Variants in KIF13A observed in about 807,000 individuals in gnomAD.
KIF13A encodes kinesin-like protein KIF13A.
In KIF13A, 79 loss-of-function variants were observed where a neutral mutation model predicts 212.2. The observed-to-expected ratio is 0.37, with a 90% CI of 0.31 to 0.45. The LOEUF is 0.45. Ranked by LOEUF, KIF13A falls within the 20% of genes least tolerant of loss-of-function variation. The pLI, the probability that KIF13A is intolerant of heterozygous loss-of-function variation, is 1.00. For synonymous variants in KIF13A, 789 were observed against 808.6 expected (o/e 0.98, Z 0.41); for missense variants, 1,901 against 2,209.0 (o/e 0.86, Z 2.79).
intron 17 of KIF13A, among the ~76,000 whole-genome samples, chr6:17,813,300 T>C (rs1763599526): frequency 6.6e-6 from 1 of 152,082 alleles, no homozygotes; most frequent in African/African-American, 2.4e-5. Flanking sequence ...GCCAACATGG[T>C]GAAACCTCAT....
intron 2 of KIF13A, among the ~76,000 whole-genome samples, chr6:17,979,865 T>TA (rs1780903307): frequency 1.3e-5 from 2 of 151,482 alleles, no homozygotes. Context: ...ATAAGGCTTG[T>TA]AAGATGTAGT....
intron 3 of KIF13A, among the ~76,000 whole-genome samples, chr6:17,874,445 A>T (rs1770315212): frequency 1.3e-5 from 2 of 151,054 alleles, no homozygotes; most frequent in South Asian, 4.2e-4. Context: ...TTAAATTTTA[A>T]TTTTTTTTGA....
At chr6:17,818,700 A>G (rs1172184183) in intron 16 of KIF13A, among the ~76,000 whole-genome samples, 1 of 152,166 alleles carries the variant, frequency 6.6e-6, no homozygotes. Flanking sequence ...AAAAATGAGG[A>G]AACGGGGGCT....
Position 17,771,761 on chromosome 6 carries a change from T to G in KIF13A, c.4476+147A>C. On this transcript the variant is annotated intron_variant, in intron 37 of 38. Transcript: ENST00000259711. This position sits in a 1 kb window ranked among gnomAD's most constrained non-coding sequence, Gnocchi z 5.4. ...AGATTCTACCATGACTCTGCATGCTTGAGAAAGAGGAATTCGAGAACGGGA... is the reference window on the plus strand; with the variant it reads ...AGATTCTACCATGACTCTGCATGCTGGAGAAAGAGGAATTCGAGAACGGGA... The G allele has an allele frequency of 1.5e-6, 1 of 685,640 alleles. No individual in the cohort carries two copies. Among genetic ancestry groups the G allele is most frequent in the Non-Finnish European group, 2.5e-6 (1 of 398,712 alleles). The allele number at this position is 685,640 out of a possible 1,614,324, so 42.5% of individuals were successfully genotyped here.
rs1779027265 is a variant in KIF13A, at chr6:17,963,493, G to A, written c.146+23561C>T. 6.6e-6 allele frequency among the ~76,000 whole-genome samples: 1 copy of A among 152,188 alleles called. No homozygotes were observed. The highest frequency in any genetic ancestry group is 2.4e-5 in the African/African-American group (1 of 41,448). On this transcript the variant is annotated intron_variant, in intron 2 of 38. Coordinates refer to ENST00000259711, the MANE Select transcript of KIF13A (RefSeq NM_022113.6). This position sits in a 1 kb window ranked among gnomAD's most constrained non-coding sequence, Gnocchi z 4.1. ...GATAGATAAGGTCTTACAATATGAA[G>A]AAATATATTACCGATGACCACAAAA...
chr6:17,837,606 T>A lies in KIF13A; in HGVS notation c.831-23A>T, dbSNP rs1291426221. On this transcript the variant is annotated intron_variant, in intron 9 of 38. Coordinates refer to ENST00000259711, the MANE Select transcript of KIF13A (RefSeq NM_022113.6). The surrounding 1 kb of genome is among the most constrained non-coding windows in gnomAD (Gnocchi z 5.4). ...GATCTGTCAAGAAAAAATGAAAAAT[T>A]AGTTTTATGGAATGTTTATTTGGTT... 2 of 1,430,988 alleles carry A rather than the reference T, an allele frequency of 1.4e-6. No individual in the cohort carries two copies. Among genetic ancestry groups the A allele is most frequent in the African/African-American group, 1.4e-5 (1 of 70,860 alleles). The allele number at this position is 1,430,988 out of a possible 1,614,324, so 88.6% of individuals were successfully genotyped here. A position where few individuals can be genotyped will look rare whatever the true frequency, so the allele number is the denominator to read the frequency against.
intron 2 of KIF13A, among the ~76,000 whole-genome samples, chr6:17,985,646 G>A (rs1781493072): frequency 1.2e-5 from 1 of 84,866 alleles, no homozygotes; most frequent in Non-Finnish European, 2.1e-5. Context: ...GGGGTGGGGG[G>A]AGGGGACATT....
At chr6:17,858,415 A>T (rs1768371216) in intron 4 of KIF13A, among the ~76,000 whole-genome samples, 1 of 152,210 alleles carries the variant, frequency 6.6e-6, no homozygotes, top group Admixed American at 6.5e-5. Flanking sequence ...AATCAAAATT[A>T]TTATCTGCTT....
Position 17,852,034 on chromosome 6 carries a change from T to C in KIF13A, c.503A>G (p.Gln168Arg). ...TTTATGTTCTCGAACTTTAAGAGAC[T>C]GTCTACTCCTGCGGGAGGGAGGAAA... ...RDLLDPKGSRQSLKVREHKVL... is the reference protein window; with the variant it reads ...RDLLDPKGSRRSLKVREHKVL... Residue 168 changes from glutamine to arginine, a missense_variant, in exon 7 of 39, where the codon CAG (glutamine) becomes CGG (arginine). Transcript: ENST00000259711. 2 of 1,507,132 alleles carry C rather than the reference T, an allele frequency of 1.3e-6. No homozygotes were observed. Among genetic ancestry groups the C allele is most frequent in the Non-Finnish European group, 1.8e-6 (2 of 1,128,538 alleles). The allele number at this position is 1,507,132 out of a possible 1,614,324, so 93.4% of individuals were successfully genotyped here.
rs944791966 is a variant in KIF13A at position 17,838,127 on chromosome 6, T to C, written c.831-544A>G. Among the ~76,000 whole-genome samples, 1 of 151,230 alleles carries C rather than the reference T, an allele frequency of 6.6e-6. No individual in the cohort carries two copies. On this transcript the variant is annotated intron_variant, in intron 9 of 38. Transcript: ENST00000259711. This position sits in a 1 kb window ranked among gnomAD's most constrained non-coding sequence, Gnocchi z 4.2. ...GTCAGGGGTCAGGAGATCAAGACCA[T>C]CCTGGCCAACATGGTGAAACCCCAT...
chr6:17,855,874 G>A lies in KIF13A; in HGVS notation c.313+156C>T, dbSNP rs1249610155. The stretch of plus-strand genomic sequence containing the variant: ...GACTACAGGTGTGCCACCACGCTGG[G>A]CTAATGTTTTTAGTTTTTATAAAGA... On this transcript the variant is annotated intron_variant, in intron 5 of 38. Coordinates refer to ENST00000259711, the MANE Select transcript of KIF13A (RefSeq NM_022113.6). This position sits in a 1 kb window ranked among gnomAD's most constrained non-coding sequence, Gnocchi z 4.1. Among the ~76,000 whole-genome samples the A allele has an allele frequency of 6.6e-6, 1 of 151,812 alleles. No homozygotes were observed. The highest frequency in any genetic ancestry group is 1.9e-4 in the East Asian group (1 of 5,166).
Position 17,826,271 on chromosome 6 carries a change from C to T in KIF13A, c.1533-147G>A, listed in dbSNP as rs1173350202. ...GAAGGAAGAGCAGAATGTGTAACCA[C>T]TATGAAAACACACAATCTAAGCCAT... On this transcript the variant is annotated intron_variant, in intron 14 of 38. Transcript: ENST00000259711. The surrounding 1 kb of genome is among the most constrained non-coding windows in gnomAD (Gnocchi z 4.7). 2 of 639,380 alleles carry T rather than the reference C, an allele frequency of 3.1e-6. No individual in the cohort carries two copies. The highest frequency in any genetic ancestry group is 5.5e-6 in the Non-Finnish European group (2 of 366,726). The allele number at this position is 639,380 out of a possible 1,614,324, so 39.6% of individuals were successfully genotyped here.
At chr6:17,882,327 A>G (rs888766443) in intron 3 of KIF13A, among the ~76,000 whole-genome samples, 5 of 152,220 alleles carry the variant, frequency 3.3e-5, no homozygotes, top group African/African-American at 1.2e-4. Flanking sequence ...AAAAGGCAAA[A>G]CACAAAACAA....
intron 38 of KIF13A, among the ~76,000 whole-genome samples, chr6:17,767,846 TAGAA>T (rs1759147567): frequency 6.6e-6 from 1 of 152,122 alleles, no homozygotes; most frequent in South Asian, 2.1e-4. Flanking sequence ...ATTCACTGAG[TAGAA>T]ATAGTTGTAA....
At chr6:17,958,895 T>C (rs1053856893) in intron 2 of KIF13A, among the ~76,000 whole-genome samples, 1 of 138,646 alleles carries the variant, frequency 7.2e-6, no homozygotes, top group African/African-American at 2.7e-5. Context: ...TTTTTTTTTT[T>C]TTTTGAGACA....
intron 3 of KIF13A, among the ~76,000 whole-genome samples, chr6:17,880,492 G>A (rs1770959465): frequency 6.6e-6 from 1 of 151,872 alleles, no homozygotes; most frequent in Admixed American, 6.6e-5. Flanking sequence ...GCCAAGCGTG[G>A]AGGCACGCAC....
intron 2 of KIF13A, among the ~76,000 whole-genome samples, chr6:17,946,939 A>C (rs1260264721): frequency 6.6e-6 from 1 of 152,224 alleles, no homozygotes; most frequent in Admixed American, 6.5e-5. Flanking sequence ...CGGTTGCACA[A>C]CTGTATATAC....
Position 17,829,101 on chromosome 6 carries a change from C to A in KIF13A, c.1402-731G>T, listed in dbSNP as rs1487507103. On this transcript the variant is annotated intron_variant, in intron 13 of 38. Coordinates refer to ENST00000259711, the MANE Select transcript of KIF13A (RefSeq NM_022113.6). This position sits in a 1 kb window ranked among gnomAD's most constrained non-coding sequence, Gnocchi z 5.4. The stretch of plus-strand genomic sequence containing the variant: ...TAGTTGGGATTACAGGTATGCGCCA[C>A]CACGTCTGGCTAATTTTTATTTTTA... 6.6e-6 allele frequency among the ~76,000 whole-genome samples: 1 copy of A among 152,128 alleles called. No individual in the cohort carries two copies. Among genetic ancestry groups the A allele is most frequent in the Non-Finnish European group, 1.5e-5 (1 of 68,026 alleles).
At position 17,772,144 on chromosome 6, in the gene KIF13A, G is replaced by A. The variant is rs1759551372; in HGVS notation, c.4325-85C>T. 8.0e-7 allele frequency: 1 copy of A among 1,243,870 alleles called. No homozygotes were observed. Among genetic ancestry groups the A allele is most frequent in the South Asian group, 1.3e-5 (1 of 76,366 alleles). The allele number at this position is 1,243,870 out of a possible 1,614,324, so 77.1% of individuals were successfully genotyped here. Reference sequence around the variant, plus strand: ...AACTGAGACAATGACCCAGCCATGGGAATATCTGGGAGAACAATGAAATTC... The same window carrying A: ...AACTGAGACAATGACCCAGCCATGGAAATATCTGGGAGAACAATGAAATTC... On this transcript the variant is annotated intron_variant, in intron 36 of 38. Transcript: ENST00000259711. The surrounding 1 kb of genome is among the most constrained non-coding windows in gnomAD (Gnocchi z 4.8).
Sources: gnomAD v4.1 joint callset for allele counts (sites outside exome capture counted in the v4.1 genomes callset) on GRCh38, gnomAD v4.1.1 for gene constraint, Gnocchi (gnomAD v3.1) non-coding constraint, MANE v1.5 for transcripts, NCBI Gene and HGNC (gene_info 2026-07-23, HGNC 2026-07-21) for gene names.